STS: variants seen among roughly 807,000 people sequenced by gnomAD.
The protein encoded by STS is steroid sulfatase.
A neutral mutation model predicts 26.8 loss-of-function variants in STS; 7 were observed. The observed-to-expected ratio is 0.26, with a 90% CI of 0.15 to 0.49. STS has a LOEUF of 0.49. Ranked by LOEUF, STS falls within the 20% of genes least tolerant of loss-of-function variation. STS has a pLI of 0.98. For missense variants in STS, 434 were observed against 465.6 expected (o/e 0.93, Z 0.63); for synonymous variants, 199 against 189.4 (o/e 1.05, Z -0.42).
intron 8 of STS, among the ~76,000 whole-genome samples, chrX:7,314,036 C>T (rs1183678182): frequency 9.0e-6 from 1 of 110,725 alleles, no homozygotes. Flanking sequence ...TTATGGGGAG[C>T]GAAAAAGCAG....
intron 7 of STS, among the ~76,000 whole-genome samples, chrX:7,276,502 G>A (rs1170800845): frequency 8.9e-6 from 1 of 111,739 alleles, no homozygotes; most frequent in African/African-American, 3.3e-5. Flanking sequence ...ACCCTCTTTT[G>A]CATGTCTGCA....
chrX:7,184,610 A>G lies in STS; in HGVS notation c.-133-6270A>G, dbSNP rs561363930. On this transcript the variant is annotated intron_variant, in intron 1 of 10. Transcript: ENST00000674429. ...GGTGACACATGCTGAATATTGATACACATCCCAAATATCTCATCTGAAGCC... is the reference window on the plus strand; with the variant it reads ...GGTGACACATGCTGAATATTGATACGCATCCCAAATATCTCATCTGAAGCC... 3.1e-4 allele frequency among the ~76,000 whole-genome samples: 35 copies of G among 111,601 alleles called. No individual in the cohort carries two copies. In the South Asian group the frequency reaches 0.012, roughly 40 times the overall value.
intron 9 of STS, among the ~76,000 whole-genome samples, chrX:7,333,479 G>A (rs748476196): frequency 8.9e-6 from 1 of 111,906 alleles, no homozygotes; most frequent in South Asian, 3.7e-4. Flanking sequence ...GGAGAAATTT[G>A]CATTCATTGC....
Position 7,234,902 on chromosome X carries a change from CAT to C in STS, c.-4-18292_-4-18291del, listed in dbSNP as rs780600423. On this transcript the variant is annotated intron_variant, in intron 2 of 10. Coordinates refer to ENST00000674429, the MANE Select transcript of STS (RefSeq NM_001320752.2). ...ATTACCAATGAAGAGATCATTTAAA[CAT>C]AGCCTTCTCAACCTTTTCTTCAAAT... 4.2e-4 allele frequency among the ~76,000 whole-genome samples: 47 copies of C among 111,705 alleles called. No individual in the cohort carries two copies. The South Asian group carries it at 0.017, about 41-fold the overall frequency.
Position 7,324,627 on chromosome X carries a change from G to C in STS, c.1082-712G>C, listed in dbSNP as rs1927291623. Among the ~76,000 whole-genome samples, 5 of 111,450 alleles carry C rather than the reference G, an allele frequency of 4.5e-5. No homozygotes were observed. The Admixed American group carries it at 4.8e-4, about 11-fold the overall frequency. ...CTGTTTTGTCAGTCTTAAGGTCTGT[G>C]TTTTAATGCTAATGCTGGTCAGTTG... On this transcript the variant is annotated intron_variant, in intron 8 of 10. Coordinates refer to ENST00000674429, the MANE Select transcript of STS (RefSeq NM_001320752.2).
chrX:7,284,513 C>T (rs1925032110), intron 7 of STS, among the ~76,000 whole-genome samples: 1 of 112,598 alleles, frequency 8.9e-6, no homozygotes, highest in Non-Finnish European at 1.9e-5. Context: ...AGCATTTTGT[C>T]TTAAAACTCT....
At chrX:7,166,286 G>A (rs1419786491) in intron 1 of STS, among the ~76,000 whole-genome samples, 2 of 111,302 alleles carry the variant, frequency 1.8e-5, no homozygotes, top group Non-Finnish European at 3.8e-5. Flanking sequence ...GGGATTACAG[G>A]CATAAGCCAT....
chrX:7,301,197 G>A (rs1405821658), intron 7 of STS, among the ~76,000 whole-genome samples: 7 of 103,043 alleles, frequency 6.8e-5, no homozygotes, highest in African/African-American at 1.8e-4. Context: ...AGACCAGCCC[G>A]GGCAACAAAC....
intron 1 of STS, among the ~76,000 whole-genome samples, chrX:7,167,419 T>C (rs968510014): frequency 9.0e-6 from 1 of 110,798 alleles, no homozygotes; most frequent in Non-Finnish European, 1.9e-5. Flanking sequence ...TTTCGCCATG[T>C]TGGTCAGGCT....
chrX:7,185,741 G>A lies in STS; in HGVS notation c.-133-5139G>A, dbSNP rs778552774. On this transcript the variant is annotated intron_variant, in intron 1 of 10. Coordinates refer to ENST00000674429, the MANE Select transcript of STS (RefSeq NM_001320752.2). ...ATTTTATGCTTTTTCTGTTAGCCCC[G>A]ATTGTCTGCTACTGGTATGCTTGTT... 1.7e-4 allele frequency among the ~76,000 whole-genome samples: 19 copies of A among 112,436 alleles called. No individual in the cohort carries two copies. The South Asian group carries it at 6.2e-3, about 37-fold the overall frequency.
At chrX:7,294,456 A>T (rs1444563502) in intron 7 of STS, among the ~76,000 whole-genome samples, 1 of 111,374 alleles carries the variant, frequency 9.0e-6, no homozygotes, top group African/African-American at 3.3e-5. Context: ...TAATAAAAGT[A>T]CATGAGAGCA....
chrX:7,204,750 C>T (rs1257133970), intron 2 of STS, among the ~76,000 whole-genome samples: 1 of 100,576 alleles, frequency 9.9e-6, no homozygotes, highest in East Asian at 3.2e-4. Context: ...TTCTTCCTTT[C>T]TTCCCTCTCT....
At chrX:7,162,021 A>G (rs1277812948) in intron 1 of STS, among the ~76,000 whole-genome samples, 1 of 112,285 alleles carries the variant, frequency 8.9e-6, no homozygotes, top group African/African-American at 3.2e-5. Context: ...CTTTGCATTA[A>G]AAACCTAAAT....
Position 7,320,012 on chromosome X carries a change from A to T in STS, c.1082-5327A>T, listed in dbSNP as rs1258005136. Among the ~76,000 whole-genome samples the T allele has an allele frequency of 1.2e-4, 10 of 85,960 alleles. 1 individual carries two copies. In the South Asian group the frequency reaches 1.8e-3, roughly 15 times the overall value. The allele number at this position is 85,960 out of a possible 115,157, so 74.6% of individuals were successfully genotyped here. ...TTTATATATATATTTTTATATATAT[A>T]TTTATATATATTTATATATATATTT... On this transcript the variant is annotated intron_variant, in intron 8 of 10. Transcript: ENST00000674429.
chrX:7,248,676 G>GT (rs1187680647), intron 2 of STS, among the ~76,000 whole-genome samples: 4 of 75,064 alleles, frequency 5.3e-5, no homozygotes, highest in African/African-American at 1.9e-4. Context: ...AATTTTTCTT[G>GT]TTTTTTTAAG....
intron 2 of STS, among the ~76,000 whole-genome samples, chrX:7,215,020 A>G (rs1921221692): frequency 1.4e-5 from 1 of 72,485 alleles, no homozygotes; most frequent in Non-Finnish European, 2.7e-5. Context: ...GTATATATAT[A>G]TATTATATAT....
At chrX:7,275,787 T>G (rs750482496) in intron 6 of STS, among the ~76,000 whole-genome samples, 164 bp from the exon 7 acceptor site, 22 of 111,622 alleles carry the variant, frequency 2.0e-4, no homozygotes, top group African/African-American at 6.8e-4. Flanking sequence ...AGACTTACCT[T>G]TCTCTGACAG....
At chrX:7,314,544 A>G (rs1465720477) in intron 8 of STS, among the ~76,000 whole-genome samples, 1 of 112,974 alleles carries the variant, frequency 8.9e-6, no homozygotes, top group East Asian at 2.8e-4. Context: ...ACTTTAGCAG[A>G]AAATGCAACT....
intron 10 of STS, among the ~76,000 whole-genome samples, chrX:7,341,564 G>A (rs1308904188): frequency 8.9e-6 from 1 of 111,915 alleles, no homozygotes; most frequent in African/African-American, 3.3e-5. Context: ...TCCTCACTCC[G>A]TTATCTGCCA....
Sources: allele counts gnomAD v4.1 joint callset (sites outside exome capture counted in the v4.1 genomes callset), GRCh38; gene constraint gnomAD v4.1.1; transcripts MANE v1.5; gene names NCBI Gene and HGNC (gene_info 2026-07-23, HGNC 2026-07-21).